The following LHFPL5 variants were observed in gnomAD, a reference collection of about 807,000 sequenced individuals.
The protein encoded by LHFPL5 is LHFPL tetraspan subfamily member 5 protein.
In LHFPL5, 12 loss-of-function variants were observed where a neutral mutation model predicts 18.7. That is an observed-to-expected ratio of 0.64 (90% confidence interval 0.41 to 1.04). The LOEUF (loss-of-function observed/expected upper bound fraction) is 1.04, where lower values mean the gene tolerates loss of function less well. Among genes scored for constraint, LHFPL5 ranks in the 50% least tolerant of loss-of-function variants. The pLI is 0.00. For missense variants in LHFPL5, 259 were observed against 292.1 expected, an observed-to-expected ratio of 0.89 and a Z score of 0.83; for synonymous variants, 111 against 120.2, an observed-to-expected ratio of 0.92 and a Z score of 0.50.
chr6:35,816,545 C>T (rs115624707), intron 2 of LHFPL5, among the ~76,000 whole-genome samples: 2,039 of 152,142 alleles, frequency 0.013, 43 homozygotes, highest in African/African-American at 0.044. Flanking sequence ...GGTGCAGAGG[C>T]TTATGCCTGT....
At chr6:35,813,339 G>C (rs972937245) in intron 1 of LHFPL5, among the ~76,000 whole-genome samples, 2 of 145,176 alleles carry the variant, frequency 1.4e-5, no homozygotes, top group Admixed American at 1.4e-4. Context: ...CCGCCTCCCA[G>C]GTTCACACCA....
chr6:35,810,038 G>A (rs913039158), intron 1 of LHFPL5, among the ~76,000 whole-genome samples: 5 of 152,276 alleles, frequency 3.3e-5, no homozygotes, highest in Admixed American at 6.5e-5. Context: ...GAAAATATAC[G>A]ATAGATTGCT....
At position 35,805,708 on chromosome 6, in the gene LHFPL5, T is replaced by C. The variant is rs1192463945; in HGVS notation, c.38T>C (p.Ile13Thr). 2.5e-6 allele frequency: 4 copies of C among 1,614,030 alleles called. No individual in the cohort carries two copies. Among genetic ancestry groups the C allele is most frequent in the Middle Eastern group, 1.6e-4 (1 of 6,084 alleles). Residue 13 changes from isoleucine to threonine, a missense_variant, in exon 1 of 4, where the codon ATC becomes ACC. Transcript: ENST00000360215. The surrounding 1 kb of genome is among the most constrained non-coding windows in gnomAD (Gnocchi z 4.3). ...CTGCCGGCCCAGGAGGCAGCCAAGATCTACCATACCAACTATGTGCGGAAC... is the reference window on the plus strand; with the variant it reads ...CTGCCGGCCCAGGAGGCAGCCAAGACCTACCATACCAACTATGTGCGGAAC... ...KLLPAQEAAK[I>T]YHTNYVRNSR...
At chr6:35,809,731 T>G (rs60467728) in intron 1 of LHFPL5, among the ~76,000 whole-genome samples, 1 of 152,062 alleles carries the variant, frequency 6.6e-6, no homozygotes, top group East Asian at 1.9e-4. Flanking sequence ...CTGGAACTCC[T>G]GAGCTCAGGC....
chr6:35,805,737 C>A lies in LHFPL5; in HGVS notation c.67C>A (p.Arg23=), dbSNP rs772625777. The A allele has an allele frequency of 3.1e-6, 5 of 1,614,196 alleles. No homozygotes were observed. ...CCATACCAACTATGTGCGGAACTCG[C>A]GAGCCGTGGGCGTGATGTGGGGTAC... The part of the protein sequence containing the change: ...IYHTNYVRNS[R]AVGVMWGTLT... The change falls in exon 1 of 4, where the codon CGA becomes AGA. Residue 23 remains arginine (R), a synonymous_variant. Coordinates refer to ENST00000360215, the MANE Select transcript of LHFPL5 (RefSeq NM_182548.4). The surrounding 1 kb of genome is among the most constrained non-coding windows in gnomAD (Gnocchi z 4.3).
intron 3 of LHFPL5, chr6:35,819,681 T>C: frequency 1.4e-5 from 8 of 561,970 alleles, no homozygotes; most frequent in Non-Finnish European, 2.2e-5. Context: ...TTTACCTGTG[T>C]CTTTTTTTTT....
rs1215832331 is a variant in LHFPL5, at chr6:35,814,494, C to T, written c.413-52C>T. ...CAGCAGTGCAAGGTGTGGGAGGTAG[C>T]GGGCTAGGCACACTCGGCCTGATGC... is the stretch of plus-strand genomic sequence containing the variant. On this transcript the variant is annotated intron_variant, in intron 1 of 3. Coordinates refer to ENST00000360215, the MANE Select transcript of LHFPL5 (RefSeq NM_182548.4). The surrounding 1 kb of genome is among the most constrained non-coding windows in gnomAD (Gnocchi z 4.2). 53 of 1,360,116 alleles carry T rather than the reference C, an allele frequency of 3.9e-5. No homozygotes were observed. The highest frequency in any genetic ancestry group is 1.0e-4 in the Admixed American group (6 of 59,708). The allele number at this position is 1,360,116 out of a possible 1,614,324, so 84.3% of individuals were successfully genotyped here.
intron 1 of LHFPL5, among the ~76,000 whole-genome samples, chr6:35,806,788 G>A (rs919938720): frequency 6.6e-6 from 1 of 152,146 alleles, no homozygotes; most frequent in Admixed American, 6.6e-5. Context: ...ATTTTGTGAG[G>A]TAGAGGAAGC....
At chr6:35,806,387 T>C (rs1768569428) in intron 1 of LHFPL5, among the ~76,000 whole-genome samples, 1 of 152,094 alleles carries the variant, frequency 6.6e-6, no homozygotes, top group Non-Finnish European at 1.5e-5. Flanking sequence ...GAGCACACAG[T>C]TGCCAGTCCT....
Position 35,811,220 on chromosome 6 carries a change from TG to T in LHFPL5, c.413-3324del, listed in dbSNP as rs1219208478. On this transcript the variant is annotated intron_variant, in intron 1 of 3. Coordinates refer to ENST00000360215, the MANE Select transcript of LHFPL5 (RefSeq NM_182548.4). ...AGGAAGTACAACCTTGCCTTGCACC[TG>T]GAATATTCGTGAGCAGCTCTAATGG... 2.1e-4 allele frequency: 32 copies of T among 152,340 alleles called. 1 individual carries two copies. The highest frequency in any genetic ancestry group is 1.2e-3 in the Admixed American group (18 of 15,302). 9.4% of individuals were successfully genotyped at this position (152,340 alleles called of 1,614,324 possible).
intron 3 of LHFPL5, among the ~76,000 whole-genome samples, chr6:35,820,687 G>A (rs1035038929): frequency 1.3e-5 from 2 of 149,314 alleles, no homozygotes; most frequent in Admixed American, 6.7e-5. Flanking sequence ...GCGACAAAGC[G>A]AGACTCCATC....
At chr6:35,819,731 GC>G (rs1370378910) in intron 3 of LHFPL5, 12 of 505,014 alleles carry the variant, frequency 2.4e-5, no homozygotes, top group Non-Finnish European at 1.1e-5. Context: ...AAGCTGGAGT[GC>G]AATGGTGCGA....
At chr6:35,818,440 C>A (rs183505947) in intron 2 of LHFPL5, among the ~76,000 whole-genome samples, 1 of 146,512 alleles carries the variant, frequency 6.8e-6, no homozygotes, top group Non-Finnish European at 1.5e-5. Flanking sequence ...CTCACTGCAA[C>A]CTTCACCTCC....
At chr6:35,811,539 G>T (rs1213910655) in intron 1 of LHFPL5, 2 of 152,322 alleles carry the variant, frequency 1.3e-5, no homozygotes, top group African/African-American at 4.8e-5. Flanking sequence ...GGGTGGATGG[G>T]TAGAGTGCTC....
At chr6:35,817,253 A>C (rs1768783631) in intron 2 of LHFPL5, among the ~76,000 whole-genome samples, 1 of 152,142 alleles carries the variant, frequency 6.6e-6, no homozygotes, top group Non-Finnish European at 1.5e-5. Flanking sequence ...CCTGGGAGGC[A>C]GAGCTTGCAG....
At chr6:35,817,764 C>G (rs1273468356) in intron 2 of LHFPL5, among the ~76,000 whole-genome samples, 2 of 152,222 alleles carry the variant, frequency 1.3e-5, no homozygotes, top group African/African-American at 4.8e-5. Context: ...TAATGCAAAT[C>G]TTTTGCAACT....
At chr6:35,806,185 T>C (rs1320202796) in intron 1 of LHFPL5, 103 bp downstream of exon 1, 2 of 1,261,156 alleles carry the variant, frequency 1.6e-6, no homozygotes, top group Non-Finnish European at 2.2e-6. Context: ...TAAATTTAGC[T>C]GTTCTCCTAT....
At position 35,814,409 on chromosome 6, in the gene LHFPL5, A is replaced by C. The variant is rs1342915979; in HGVS notation, c.413-137A>C. Reference sequence around the variant, plus strand: ...CTGTGTTCTGCAAGAAGGATGGTAGAGGCTGCCTCTCATGCCTCCTGAGGC... The same window carrying C: ...CTGTGTTCTGCAAGAAGGATGGTAGCGGCTGCCTCTCATGCCTCCTGAGGC... On this transcript the variant is annotated intron_variant, in intron 1 of 3. Transcript: ENST00000360215. This position sits in a 1 kb window ranked among gnomAD's most constrained non-coding sequence, Gnocchi z 4.2. The C allele has an allele frequency of 1.3e-6, 1 of 792,726 alleles. No individual in the cohort carries two copies. Among genetic ancestry groups the C allele is most frequent in the Admixed American group, 1.7e-5 (1 of 58,644 alleles). 49.1% of individuals were successfully genotyped at this position (792,726 alleles called of 1,614,324 possible). A position where few individuals can be genotyped will look rare whatever the true frequency, so the allele number is the denominator to read the frequency against.
rs1454478485 is a variant in LHFPL5, at chr6:35,814,735, A to T, written c.602A>T (p.Tyr201Phe). Reference protein sequence around the residue: ...ILSFLAFVLGYRQDKLLPDDY... With the variant: ...ILSFLAFVLGFRQDKLLPDDY... ...TCCTTCCTGGCCTTCGTGTTGGGCT[A>T]CCGGCAGGACAAGCTCCTCCCTGAC... is the stretch of plus-strand genomic sequence containing the variant. Residue 201 changes from tyrosine (Y) to phenylalanine (F), a missense_variant, in exon 2 of 4, where the codon TAC becomes TTC. Coordinates refer to ENST00000360215, the MANE Select transcript of LHFPL5 (RefSeq NM_182548.4). The surrounding 1 kb of genome is among the most constrained non-coding windows in gnomAD (Gnocchi z 4.2). 1.4e-5 allele frequency: 23 copies of T among 1,614,010 alleles called. No individual in the cohort carries two copies. The Admixed American group carries it at 3.8e-4, about 27-fold the overall frequency.
Sources: allele counts gnomAD v4.1 joint callset (sites outside exome capture counted in the v4.1 genomes callset), GRCh38; gene constraint gnomAD v4.1.1; non-coding constraint Gnocchi (gnomAD v3.1); transcripts MANE v1.5; gene names NCBI Gene and HGNC (gene_info 2026-07-23, HGNC 2026-07-21).